The following LRRC9 variants were observed in gnomAD, a reference collection of about 807,000 sequenced individuals.
The protein encoded by LRRC9 is leucine rich repeat containing 9.
Under a neutral mutation model 63.2 loss-of-function variants are expected in LRRC9, and 122 were observed. The ratio of observed to expected loss-of-function variants is 1.93; its 90% CI spans 1.67 to 2.24. The LOEUF is 2.24. LRRC9 is among the 30% of genes most tolerant of loss of function. The pLI, the probability that LRRC9 is intolerant of heterozygous loss-of-function variation, is 0.00. For synonymous variants in LRRC9, 366 were observed against 213.1 expected (o/e 1.72, Z -6.25); for missense variants, 1,071 against 627.7 (o/e 1.71, Z -7.55).
chr14:59,986,224 A>G lies in LRRC9; in HGVS notation c.2211+1000A>G, dbSNP rs2140122437. On this transcript the variant is annotated intron_variant, in intron 17 of 31. Transcript: ENST00000445360. This position sits in a 1 kb window ranked among gnomAD's most constrained non-coding sequence, Gnocchi z 4.7. ...TGGCTTTTATTTTGTTATACATCATATAACAAAAATAATTACATATGTGGT... is the reference window on the plus strand; with the variant it reads ...TGGCTTTTATTTTGTTATACATCATGTAACAAAAATAATTACATATGTGGT... Among the ~76,000 whole-genome samples, 1 of 152,304 alleles carries G rather than the reference A, an allele frequency of 6.6e-6. No individual in the cohort carries two copies. Among genetic ancestry groups the G allele is most frequent in the South Asian group, 2.1e-4 (1 of 4,830 alleles).
chr14:59,944,570 T>A lies in LRRC9; in HGVS notation c.727-19T>A, dbSNP rs183573150. On this transcript the variant is annotated intron_variant, in intron 7 of 31. Transcript: ENST00000445360. ...ATTTGTTTTAGCTAATTTTTTGTTG[T>A]TTTCTTTCTTACTTTTAGACCACAG... is the stretch of plus-strand genomic sequence containing the variant. 1.8e-6 allele frequency: 1 copy of A among 546,142 alleles called. No homozygotes were observed. The highest frequency in any genetic ancestry group is 3.2e-6 in the Non-Finnish European group (1 of 312,048). 33.8% of individuals were successfully genotyped at this position (546,142 alleles called of 1,614,324 possible).
At chr14:60,062,906 T>C (rs1466531079) in intron 31 of LRRC9, among the ~76,000 whole-genome samples, 1 of 151,684 alleles carries the variant, frequency 6.6e-6, no homozygotes, top group African/African-American at 2.4e-5. Flanking sequence ...TTTTTTTTTT[T>C]TTGAGACAGA....
chr14:60,025,345 T>C (rs1891459799), intron 27 of LRRC9, among the ~76,000 whole-genome samples: 1 of 151,762 alleles, frequency 6.6e-6, no homozygotes, highest in African/African-American at 2.4e-5. Context: ...TAAGAGATCC[T>C]TTCACCTCAG....
At chr14:60,028,665 G>A (rs1466858697) in intron 28 of LRRC9, among the ~76,000 whole-genome samples, 1 of 152,122 alleles carries the variant, frequency 6.6e-6, no homozygotes, top group Non-Finnish European at 1.5e-5. Context: ...GATAAGAGTT[G>A]AAGACATAAC....
intron 1 of LRRC9, among the ~76,000 whole-genome samples, chr14:59,924,854 A>T (rs1889071883): frequency 6.6e-6 from 1 of 151,078 alleles, no homozygotes; most frequent in South Asian, 2.1e-4. Context: ...TTTCCTTGCT[A>T]TTCTGCAAAC....
chr14:59,978,962 G>A (rs1205812676), intron 15 of LRRC9, among the ~76,000 whole-genome samples: 1 of 152,082 alleles, frequency 6.6e-6, no homozygotes, highest in Non-Finnish European at 1.5e-5. Flanking sequence ...GGCCACTATG[G>A]TGGGCAAAAA....
At chr14:60,018,137 T>C (rs1038659431) in intron 24 of LRRC9, among the ~76,000 whole-genome samples, 3 of 151,974 alleles carry the variant, frequency 2.0e-5, no homozygotes, top group Non-Finnish European at 2.9e-5. Flanking sequence ...GTAATAGATG[T>C]GTTTTTTTTG....
chr14:59,975,137 A>ATATG (rs1886085740), intron 13 of LRRC9, among the ~76,000 whole-genome samples: 1 of 11,558 alleles, frequency 8.7e-5, no homozygotes, highest in East Asian at 2.3e-3. Context: ...GTATATATAT[A>ATATG]TACATATATA....
chr14:59,947,531 T>A (rs1882587565), intron 8 of LRRC9, among the ~76,000 whole-genome samples: 1 of 132,506 alleles, frequency 7.5e-6, no homozygotes, highest in Admixed American at 7.7e-5. Flanking sequence ...ATTTGTCAAT[T>A]TTGGCTTTTG....
downstream of LRRC9, among the ~76,000 whole-genome samples, chr14:60,063,885 AT>A (rs1566919337): frequency 2.0e-5 from 3 of 152,186 alleles, no homozygotes; most frequent in South Asian, 6.2e-4. Context: ...TGAACTACAG[AT>A]TGGTTTTTAG....
intron 8 of LRRC9, among the ~76,000 whole-genome samples, chr14:59,951,663 C>G (rs1432567803): frequency 6.8e-6 from 1 of 147,732 alleles, no homozygotes; most frequent in African/African-American, 2.5e-5. Flanking sequence ...TGGTGATGTA[C>G]AGATGGGTTT....
chr14:59,998,126 AC>A (rs1250877763), intron 18 of LRRC9, among the ~76,000 whole-genome samples: 1 of 152,006 alleles, frequency 6.6e-6, no homozygotes, highest in Non-Finnish European at 1.5e-5. Context: ...CCATTTGCAA[AC>A]CTCCAGATAT....
chr14:59,999,462 G>C (rs184325939), intron 19 of LRRC9, among the ~76,000 whole-genome samples: 3 of 152,014 alleles, frequency 2.0e-5, no homozygotes, highest in African/African-American at 7.2e-5. Flanking sequence ...AATACCTCTA[G>C]GGTAACTGCT....
Position 60,053,215 on chromosome 14 carries a change from A to G in LRRC9, c.4131+10A>G. 2 of 691,774 alleles carry G rather than the reference A, an allele frequency of 2.9e-6. No individual in the cohort carries two copies. The highest frequency in any genetic ancestry group is 5.3e-6 in the Non-Finnish European group (2 of 379,974). 42.9% of individuals were successfully genotyped at this position (691,774 alleles called of 1,614,324 possible). A position where few individuals can be genotyped will look rare whatever the true frequency, so the allele number is the denominator to read the frequency against. Reference sequence around the variant, plus strand: ...AGCAAAGAAAAACTCGGTAATAATTATATTATTTACAATTTTCCTTTTGAA... The same window carrying G: ...AGCAAAGAAAAACTCGGTAATAATTGTATTATTTACAATTTTCCTTTTGAA... On this transcript the variant is annotated intron_variant, in intron 30 of 31. Coordinates refer to ENST00000445360, the Ensembl canonical transcript of LRRC9. The surrounding 1 kb of genome is among the most constrained non-coding windows in gnomAD (Gnocchi z 4.8).
At chr14:60,018,348 G>A (rs747149153) in intron 24 of LRRC9, 23 bp from the exon 25 acceptor site, 1 of 699,376 alleles carries the variant, frequency 1.4e-6, no homozygotes, top group South Asian at 1.5e-5. Context: ...AATAATAGCT[G>A]TATTTACTTT....
intron 14 of LRRC9, among the ~76,000 whole-genome samples, 184 bp from the exon 15 acceptor site, chr14:59,977,833 T>C (rs1039830454): frequency 1.3e-5 from 2 of 152,108 alleles, no homozygotes; most frequent in African/African-American, 4.8e-5. Context: ...GAAAAAATCC[T>C]CAATAATATA....
intron 3 of LRRC9, among the ~76,000 whole-genome samples, chr14:59,929,760 T>C (rs1889531653): frequency 6.6e-6 from 1 of 152,102 alleles, no homozygotes; most frequent in African/African-American, 2.4e-5. Flanking sequence ...AAGAACAAGA[T>C]AATGTCCTTT....
intron 12 of LRRC9, among the ~76,000 whole-genome samples, chr14:59,969,688 A>T (rs1309124143): frequency 6.6e-6 from 1 of 152,168 alleles, no homozygotes; most frequent in Non-Finnish European, 1.5e-5. Flanking sequence ...AAGAGGAAGG[A>T]TCTCTTTCTA....
chr14:60,013,592 T>G (rs149385516), intron 23 of LRRC9, among the ~76,000 whole-genome samples: 1 of 152,242 alleles, frequency 6.6e-6, no homozygotes, highest in East Asian at 1.9e-4. Context: ...TGCAGCTCTG[T>G]TGTTGGTGCA....
Sources: allele counts gnomAD v4.1 joint callset (sites outside exome capture counted in the v4.1 genomes callset), GRCh38; gene constraint gnomAD v4.1.1; non-coding constraint Gnocchi (gnomAD v3.1); transcripts MANE v1.5; gene names NCBI Gene and HGNC (gene_info 2026-07-23, HGNC 2026-07-21).